The following LRIF1 variants were observed in gnomAD, a reference collection of about 807,000 sequenced individuals.
The protein encoded by LRIF1 is ligand dependent nuclear receptor interacting factor 1, also known as ligand-dependent nuclear receptor-interacting factor 1.
In LRIF1, 32 loss-of-function variants were observed where a neutral mutation model predicts 52.7. That is an observed-to-expected ratio of 0.61 (90% CI 0.46 to 0.82). The LOEUF (loss-of-function observed/expected upper bound fraction) is 0.82. Among genes scored for constraint, LRIF1 ranks in the 40% least tolerant of loss-of-function variants. The pLI is 0.00. For missense variants in LRIF1, 887 were observed against 892.0 expected (o/e 0.99, Z 0.07); for synonymous variants, 323 against 317.4 (o/e 1.02, Z -0.19).
chr1:110,908,433 C>A, the LRIF1 span, among the ~76,000 whole-genome samples: 3 of 152,150 alleles, frequency 2.0e-5, no homozygotes, highest in African/African-American at 7.2e-5. Flanking sequence ...ACATAGAATT[C>A]AGAATCTCAA....
At chr1:110,896,128 G>A in the LRIF1 span, among the ~76,000 whole-genome samples, 1 of 152,102 alleles carries the variant, frequency 6.6e-6, no homozygotes. Context: ...AAAGAAATTA[G>A]GCTATTTGTC....
the LRIF1 span, among the ~76,000 whole-genome samples, chr1:110,919,447 G>A: frequency 6.6e-6 from 1 of 151,410 alleles, no homozygotes; most frequent in Non-Finnish European, 1.5e-5. Flanking sequence ...TTGAAGTTTG[G>A]ACTCTCTTGC....
chr1:110,910,758 T>C, the LRIF1 span, among the ~76,000 whole-genome samples: 3 of 152,286 alleles, frequency 2.0e-5, no homozygotes, highest in South Asian at 6.2e-4. Context: ...ACTTTTGGGG[T>C]AAAGAATCAA....
intron 1 of LRIF1, among the ~76,000 whole-genome samples, chr1:110,955,359 ATAC>A (rs1156842284): frequency 1.3e-5 from 2 of 152,232 alleles, no homozygotes; most frequent in African/African-American, 2.4e-5. Context: ...CTGGCTTAGA[ATAC>A]TACAATAGCT....
At chr1:110,963,515 G>T in intron 1 of LRIF1, 106 bp downstream of exon 1, 1 of 881,072 alleles carries the variant, frequency 1.1e-6, no homozygotes, top group Non-Finnish European at 1.7e-6. Context: ...CACTCTGCGG[G>T]CTCCAACTCC....
At chr1:110,907,131 G>A in the LRIF1 span, among the ~76,000 whole-genome samples, 2 of 152,038 alleles carry the variant, frequency 1.3e-5, no homozygotes, top group African/African-American at 2.4e-5. Context: ...AGCAGCCTAA[G>A]GTCGTGTCTT....
At chr1:110,894,166 A>G in the LRIF1 span, 1 of 640,962 alleles carries the variant, frequency 1.6e-6, no homozygotes, top group Non-Finnish European at 2.8e-6. Flanking sequence ...TAGAAAAAGA[A>G]CACATATTTT....
At chr1:110,959,736 CAAAAAAAAAAA>C (rs11320169) in intron 1 of LRIF1, among the ~76,000 whole-genome samples, 9 of 56,360 alleles carry the variant, frequency 1.6e-4, no homozygotes, top group African/African-American at 4.8e-4. Context: ...GACTCCATCT[CAAAAAAAAAAA>C]AAAAAAAAAA....
downstream of LRIF1, among the ~76,000 whole-genome samples, chr1:110,945,429 C>A (rs1483745384): frequency 6.6e-6 from 1 of 151,410 alleles, no homozygotes; most frequent in Non-Finnish European, 1.5e-5. Context: ...CCCTCCCTCC[C>A]TCTCTCCTTC....
intron 2 of LRIF1, among the ~76,000 whole-genome samples, chr1:110,950,901 T>C (rs1051091669): frequency 2.6e-5 from 4 of 152,110 alleles, no homozygotes; most frequent in Non-Finnish European, 5.9e-5. Flanking sequence ...TCTCCTCATA[T>C]ACTAAAAAGG....
At chr1:110,934,563 T>C in the LRIF1 span, among the ~76,000 whole-genome samples, 1 of 152,166 alleles carries the variant, frequency 6.6e-6, no homozygotes, top group Non-Finnish European at 1.5e-5. Context: ...AGCAGTACTC[T>C]CCATGGCTTG....
intron 1 of LRIF1, among the ~76,000 whole-genome samples, chr1:110,955,810 G>C (rs1192747614): frequency 3.9e-5 from 6 of 152,146 alleles, no homozygotes; most frequent in African/African-American, 1.4e-4. Context: ...CTTTGTTTAA[G>C]GTTAGATTAA....
the LRIF1 span, among the ~76,000 whole-genome samples, chr1:110,935,828 A>C: frequency 7.2e-5 from 11 of 152,156 alleles, no homozygotes; most frequent in Non-Finnish European, 1.2e-4. Context: ...AAAATATATC[A>C]ATATCCATAT....
chr1:110,931,319 CT>C, the LRIF1 span, among the ~76,000 whole-genome samples: 1 of 152,072 alleles, frequency 6.6e-6, no homozygotes. Context: ...TGAACTCATC[CT>C]TTTTCATGGC....
chr1:110,897,255 A>C, the LRIF1 span, among the ~76,000 whole-genome samples: 1 of 152,324 alleles, frequency 6.6e-6, no homozygotes, highest in African/African-American at 2.4e-5. Flanking sequence ...TCTGAGAAGA[A>C]GCCACAACTA....
chr1:110,941,833 A>C, the LRIF1 span: 1 of 151,878 alleles, frequency 6.6e-6, no homozygotes, highest in Non-Finnish European at 1.5e-5. Flanking sequence ...ATCCTTGCTA[A>C]CCTCATTTCC....
At chr1:110,957,450 G>A (rs993331938) in intron 1 of LRIF1, among the ~76,000 whole-genome samples, 5 of 85,280 alleles carry the variant, frequency 5.9e-5, no homozygotes, top group South Asian at 7.9e-4. Flanking sequence ...CAGCCTGGGC[G>A]ACAAAGCAAG....
the LRIF1 span, among the ~76,000 whole-genome samples, chr1:110,902,848 G>A: frequency 6.6e-6 from 1 of 152,216 alleles, no homozygotes; most frequent in Non-Finnish European, 1.5e-5. Context: ...CATAGGACCT[G>A]CTGTTAAGTT....
chr1:110,897,406 T>C, the LRIF1 span, among the ~76,000 whole-genome samples: 1 of 152,198 alleles, frequency 6.6e-6, no homozygotes, highest in Non-Finnish European at 1.5e-5. Context: ...TGGCACTTGG[T>C]AGGGCTATGA....
Sources: allele counts gnomAD v4.1 joint callset (sites outside exome capture counted in the v4.1 genomes callset), GRCh38; gene constraint gnomAD v4.1.1; transcripts MANE v1.5; gene names NCBI Gene and HGNC (gene_info 2026-07-23, HGNC 2026-07-21).